The following CENPP variants were observed in gnomAD, a reference collection of about 807,000 sequenced individuals.
The protein encoded by CENPP is centromere protein P.
Under a neutral mutation model 35.6 loss-of-function variants are expected in CENPP, and 24 were observed. That is an observed-to-expected ratio of 0.67 (90% confidence interval 0.49 to 0.95). CENPP has a LOEUF of 0.95. CENPP is among the 40% of genes least tolerant of loss of function. CENPP has a pLI of 0.00. For synonymous variants in CENPP, 120 were observed against 125.5 expected (o/e 0.96, Z 0.29); for missense variants, 332 against 345.3 (o/e 0.96, Z 0.31).
intron 5 of CENPP, among the ~76,000 whole-genome samples, chr9:92,504,551 G>T (rs1846880313): frequency 6.6e-6 from 1 of 152,070 alleles, no homozygotes; most frequent in African/African-American, 2.4e-5. Context: ...GGTGTGGTTT[G>T]TAGAGACAGG....
chr9:92,423,999 A>C (rs910209390), intron 5 of CENPP, among the ~76,000 whole-genome samples: 1 of 152,198 alleles, frequency 6.6e-6, no homozygotes, highest in Non-Finnish European at 1.5e-5. Context: ...CTTAAATGAG[A>C]AAGTTAAACT....
intron 5 of CENPP, among the ~76,000 whole-genome samples, chr9:92,449,793 C>T (rs1457786943): frequency 6.6e-6 from 1 of 152,128 alleles, no homozygotes; most frequent in Admixed American, 6.5e-5. Context: ...CCCCCTTCTC[C>T]TTCCGCCATC....
chr9:92,453,151 G>T (rs975387270), intron 5 of CENPP, among the ~76,000 whole-genome samples: 1 of 151,488 alleles, frequency 6.6e-6, no homozygotes, highest in African/African-American at 2.4e-5. Flanking sequence ...GCTTTTGAAT[G>T]TGTTTGCTCT....
At chr9:92,505,486 T>C (rs1846945188) in intron 5 of CENPP, 1 of 1,461,286 alleles carries the variant, frequency 6.8e-7, no homozygotes, top group Non-Finnish European at 9.3e-7. Flanking sequence ...TAGTGTACCA[T>C]ATTTCAAATA....
chr9:92,358,576 T>A (rs1336623038), intron 4 of CENPP, among the ~76,000 whole-genome samples: 2 of 152,150 alleles, frequency 1.3e-5, no homozygotes, highest in African/African-American at 4.8e-5. Flanking sequence ...TTTTCCTCAT[T>A]CTTTTTTCTT....
chr9:92,471,643 C>G (rs1372772996), intron 5 of CENPP, among the ~76,000 whole-genome samples: 4 of 151,346 alleles, frequency 2.6e-5, no homozygotes, highest in Non-Finnish European at 5.9e-5. Context: ...TTGATTTCCA[C>G]ATACTGATTC....
intron 5 of CENPP, among the ~76,000 whole-genome samples, chr9:92,560,399 G>C (rs747131068): frequency 1.3e-5 from 2 of 152,224 alleles, no homozygotes; most frequent in South Asian, 2.1e-4. Context: ...GTATGAACCC[G>C]TACCTCCCCA....
At chr9:92,532,521 AT>A (rs963025316) in intron 5 of CENPP, among the ~76,000 whole-genome samples, 1 of 151,558 alleles carries the variant, frequency 6.6e-6, no homozygotes, top group Admixed American at 6.6e-5. Flanking sequence ...CCTCATTTGT[AT>A]TTTTTGTTTG....
At chr9:92,366,219 T>C (rs1841886479) in intron 4 of CENPP, among the ~76,000 whole-genome samples, 2 of 151,594 alleles carry the variant, frequency 1.3e-5, no homozygotes, top group South Asian at 4.2e-4. Context: ...CAGGGTTCTG[T>C]CCCATTCTAA....
chr9:92,517,612 A>G, intron 5 of CENPP: 1 of 1,588,610 alleles, frequency 6.3e-7, no homozygotes, highest in Non-Finnish European at 8.6e-7. Context: ...ATTTTAATCT[A>G]AAATTAGTAA....
In CENPP at chr9:92,450,349, G is replaced by A. The variant is rs1324377263; in HGVS notation, c.564+70490G>A. Among the ~76,000 whole-genome samples, 7 of 149,878 alleles carry A rather than the reference G, an allele frequency of 4.7e-5. No homozygotes were observed. The East Asian group carries it at 1.4e-3, about 30-fold the overall frequency. On this transcript the variant is annotated intron_variant, in intron 5 of 7. Transcript: ENST00000375587. ...CTATGAGTGAGAAGATGCGGTGTTT[G>A]GTTTTTTGTTCTTGCGATAGTTTAC...
chr9:92,418,264 G>A (rs1588116365), intron 5 of CENPP, among the ~76,000 whole-genome samples: 1 of 150,656 alleles, frequency 6.6e-6, no homozygotes, highest in Non-Finnish European at 1.5e-5. Flanking sequence ...TTTTTGTATT[G>A]TTAGTAGAGA....
In CENPP at chr9:92,503,060, G is replaced by A. The variant is rs561710160; in HGVS notation, c.565-108254G>A. ...TAAGCTCAAGTGATCTACCCGCCTC[G>A]GCCTCCCAAAGTGCTGGAATTACAG... On this transcript the variant is annotated intron_variant, in intron 5 of 7. Transcript: ENST00000375587. 2.7e-3 allele frequency among the ~76,000 whole-genome samples: 411 copies of A among 151,794 alleles called. 3 individuals carry two copies. Among genetic ancestry groups the A allele is most frequent in the Non-Finnish European group, 1.8e-3 (125 of 67,932 alleles).
intron 5 of CENPP, among the ~76,000 whole-genome samples, chr9:92,551,041 A>G (rs1022877854): frequency 1.3e-5 from 2 of 152,168 alleles, no homozygotes; most frequent in Admixed American, 6.5e-5. Flanking sequence ...AGCCCTGGAA[A>G]CAAAGTTATT....
rs147807372 is a variant in CENPP at position 92,415,361 on chromosome 9, A to T, written c.564+35502A>T. ...TAAATAGTGTGTATATGAGGGAAGC[A>T]GAAGAAGATGTATGAGCTTATTGGT... On this transcript the variant is annotated intron_variant, in intron 5 of 7. Coordinates refer to ENST00000375587, the MANE Select transcript of CENPP (RefSeq NM_001012267.3). 8.1e-6 allele frequency: 13 copies of T among 1,612,574 alleles called. No individual in the cohort carries two copies. The highest frequency in any genetic ancestry group is 1.1e-5 in the Non-Finnish European group (13 of 1,178,850).
At position 92,596,414 on chromosome 9, in the gene CENPP, C is replaced by G. The variant is rs539441310; in HGVS notation, c.565-14900C>G. Among the ~76,000 whole-genome samples the G allele has an allele frequency of 3.1e-5, 4 of 130,780 alleles. No homozygotes were observed. The South Asian group carries it at 9.4e-4, about 31-fold the overall frequency. 85.8% of individuals were successfully genotyped at this position (130,780 alleles called of 152,430 possible). A position where few individuals can be genotyped will look rare whatever the true frequency, so the allele number is the denominator to read the frequency against. The stretch of plus-strand genomic sequence containing the variant: ...CCAAGCCAAGCCCTGGAGTTCAAGG[C>G]CAGCCTAGGCAACATAGTAAGACCC... On this transcript the variant is annotated intron_variant, in intron 5 of 7. Transcript: ENST00000375587.
chr9:92,473,832 G>C (rs1298840259), intron 5 of CENPP, among the ~76,000 whole-genome samples: 2 of 152,216 alleles, frequency 1.3e-5, no homozygotes, highest in Non-Finnish European at 2.9e-5. Flanking sequence ...TGCCATGAAT[G>C]CTATGGCAGT....
In CENPP at chr9:92,427,974, G is replaced by C. The variant is rs559600675; in HGVS notation, c.564+48115G>C. Among the ~76,000 whole-genome samples, 3 of 152,246 alleles carry C rather than the reference G, an allele frequency of 2.0e-5. No individual in the cohort carries two copies. In the East Asian group the frequency reaches 5.8e-4, roughly 29 times the overall value. ...AGCCAGTGTCAGCAGGGTCAAGGCA[G>C]ACATATGCCTGGAAGTAACCACCTC... On this transcript the variant is annotated intron_variant, in intron 5 of 7. Transcript: ENST00000375587.
At chr9:92,412,561 CCATA>C (rs1325358092) in intron 5 of CENPP, among the ~76,000 whole-genome samples, 1 of 152,202 alleles carries the variant, frequency 6.6e-6, no homozygotes, top group African/African-American at 2.4e-5. Context: ...GTCTTTGTCT[CCATA>C]GATTTCCCAG....
Sources: gnomAD v4.1 joint callset for allele counts (sites outside exome capture counted in the v4.1 genomes callset) on GRCh38, gnomAD v4.1.1 for gene constraint, MANE v1.5 for transcripts, NCBI Gene and HGNC (gene_info 2026-07-23, HGNC 2026-07-21) for gene names.